AGBL4: variants seen among roughly 807,000 people sequenced by gnomAD.
AGBL4 encodes cytosolic carboxypeptidase 6.
Under a neutral mutation model 66.4 loss-of-function variants are expected in AGBL4, and 58 were observed. That is an observed-to-expected ratio of 0.87 (90% confidence interval 0.71 to 1.09). The LOEUF is 1.09. AGBL4 is among the 50% of genes least tolerant of loss of function. The pLI is 0.00. For missense variants in AGBL4, 579 were observed against 631.0 expected, an observed-to-expected ratio of 0.92 and a Z score of 0.88; for synonymous variants, 234 against 222.9, an observed-to-expected ratio of 1.05 and a Z score of -0.44.
intron 2 of AGBL4, among the ~76,000 whole-genome samples, chr1:49,840,209 G>A (rs1334497159): frequency 1.3e-5 from 2 of 152,060 alleles, no homozygotes; most frequent in Non-Finnish European, 2.9e-5. Context: ...GACATAGTGT[G>A]CTTCCAGGAA....
At chr1:49,094,438 A>G (rs1645055290) in intron 4 of AGBL4, among the ~76,000 whole-genome samples, 2 of 152,028 alleles carry the variant, frequency 1.3e-5, no homozygotes, top group South Asian at 4.1e-4. Flanking sequence ...GCATCTATTG[A>G]GGTAATCATG....
intron 3 of AGBL4, among the ~76,000 whole-genome samples, chr1:49,316,371 A>ACAAAACAT (rs1645039257): frequency 1.3e-5 from 2 of 151,958 alleles, no homozygotes; most frequent in Admixed American, 6.6e-5. Context: ...GAGGGGGTAA[A>ACAAAACAT]CAAAACATCT....
intron 3 of AGBL4, among the ~76,000 whole-genome samples, chr1:49,475,839 A>G (rs535084674): frequency 9.9e-4 from 150 of 152,096 alleles, no homozygotes; most frequent in African/African-American, 3.5e-3. Flanking sequence ...TAATGTAGCA[A>G]GCAGTTTATC....
chr1:49,358,660 A>T (rs1644071115), intron 3 of AGBL4, among the ~76,000 whole-genome samples: 1 of 152,188 alleles, frequency 6.6e-6, no homozygotes, highest in Non-Finnish European at 1.5e-5. Context: ...TTAGAAAAAA[A>T]AATGTTTATT....
chr1:48,860,574 C>T (rs1049412740), intron 6 of AGBL4, among the ~76,000 whole-genome samples: 1 of 151,982 alleles, frequency 6.6e-6, no homozygotes, highest in African/African-American at 2.4e-5. Context: ...ATGAAAGGAG[C>T]CTAGAAAAAA....
chr1:49,272,472 G>A (rs958192870), intron 3 of AGBL4, among the ~76,000 whole-genome samples: 1 of 152,026 alleles, frequency 6.6e-6, no homozygotes, highest in South Asian at 2.1e-4. Context: ...AAATTCCTAT[G>A]ATTTTATGTT....
intron 2 of AGBL4, among the ~76,000 whole-genome samples, chr1:49,739,841 C>T (rs553644240): frequency 6.6e-6 from 1 of 152,232 alleles, no homozygotes; most frequent in Admixed American, 6.5e-5. Flanking sequence ...CCTTCACAGA[C>T]AAGCAAATGC....
At chr1:48,749,326 T>C (rs1651286470) in intron 6 of AGBL4, among the ~76,000 whole-genome samples, 1 of 152,152 alleles carries the variant, frequency 6.6e-6, no homozygotes, top group Admixed American at 6.5e-5. Context: ...CGAGGGGATG[T>C]TCCTGCTATA....
the AGBL4 span, among the ~76,000 whole-genome samples, chr1:48,523,354 G>A: frequency 6.6e-6 from 1 of 152,120 alleles, no homozygotes; most frequent in Non-Finnish European, 1.5e-5. Flanking sequence ...TAGGAACTCA[G>A]AGAATGTGAG....
chr1:49,774,372 G>A (rs1172531532), intron 2 of AGBL4, among the ~76,000 whole-genome samples: 1 of 152,102 alleles, frequency 6.6e-6, no homozygotes, highest in Non-Finnish European at 1.5e-5. Context: ...GAGGTATCCT[G>A]GCTTCCATGC....
chr1:48,591,115 T>A, intron 9 of AGBL4, 130 bp from the exon 10 acceptor site: 4 of 664,550 alleles, frequency 6.0e-6, no homozygotes, highest in South Asian at 2.4e-5. Flanking sequence ...CACACACACA[T>A]CAAGCTGACC....
chr1:48,892,402 G>A (rs1237831779), intron 5 of AGBL4, among the ~76,000 whole-genome samples: 1 of 151,978 alleles, frequency 6.6e-6, no homozygotes, highest in African/African-American at 2.4e-5. Flanking sequence ...CAAGGTTGAG[G>A]ACACATGCCT....
intron 3 of AGBL4, among the ~76,000 whole-genome samples, chr1:49,384,448 C>T (rs1644692801): frequency 6.6e-6 from 1 of 151,684 alleles, no homozygotes; most frequent in African/African-American, 2.4e-5. Context: ...CAAAAATTAG[C>T]TGGGTGTGGT....
chr1:49,857,776 G>C (rs192172566), intron 1 of AGBL4, among the ~76,000 whole-genome samples: 61 of 152,076 alleles, frequency 4.0e-4, no homozygotes, highest in African/African-American at 1.5e-3. Flanking sequence ...AAAACTATTA[G>C]AAGAAACACT....
intron 3 of AGBL4, among the ~76,000 whole-genome samples, chr1:49,354,047 C>T (rs891889405): frequency 6.6e-6 from 1 of 152,218 alleles, no homozygotes; most frequent in African/African-American, 2.4e-5. Context: ...GTCACCCTGA[C>T]TGTCCACTGA....
intron 3 of AGBL4, among the ~76,000 whole-genome samples, chr1:49,288,999 G>GACAC (rs143838813): frequency 6.8e-4 from 102 of 150,686 alleles, no homozygotes; most frequent in African/African-American, 2.4e-3. Context: ...TAACAAATGA[G>GACAC]ACACACACAC....
rs1172142468 is a variant in AGBL4, at chr1:48,534,240, T to A, written c.1445A>T (p.Asn482Ile). 1.9e-6 allele frequency: 3 copies of A among 1,551,758 alleles called. No homozygotes were observed. Reference sequence around the variant, plus strand: ...CTTGTCCCCTTTGCTGTTGGGGTAGTTGCTGGCTGGGCCCCGCAGGAGTGG... The same window carrying A: ...CTTGTCCCCTTTGCTGTTGGGGTAGATGCTGGCTGGGCCCCGCAGGAGTGG... ...KHPLLRGPAS[N>I]YPNSKGDKKS... Residue 482 changes from asparagine (N) to isoleucine (I), a missense_variant, in exon 14 of 14, where the codon AAC becomes ATC. By Grantham distance (149) the Asn-to-Ile change is moderately radical (BLOSUM62 -3). Coordinates refer to ENST00000371839, the MANE Select transcript of AGBL4 (RefSeq NM_032785.4).
intron 3 of AGBL4, among the ~76,000 whole-genome samples, chr1:49,629,818 C>T (rs1339027651): frequency 6.6e-6 from 1 of 152,048 alleles, no homozygotes; most frequent in African/African-American, 2.4e-5. Context: ...ACATGGCCAC[C>T]TCTTCTATTA....
chr1:48,622,364 C>G (rs1429326339), intron 9 of AGBL4, among the ~76,000 whole-genome samples: 1 of 151,824 alleles, frequency 6.6e-6, no homozygotes, highest in Non-Finnish European at 1.5e-5. Context: ...GAGCCCTTGT[C>G]TATCATTAAC....
Sources: gnomAD v4.1 joint callset for allele counts (sites outside exome capture counted in the v4.1 genomes callset) on GRCh38, gnomAD v4.1.1 for gene constraint, MANE v1.5 for transcripts, NCBI Gene and HGNC (gene_info 2026-07-23, HGNC 2026-07-21) for gene names.